Variants in ENOSF1 observed in about 807,000 individuals in gnomAD.
ENOSF1 encodes the protein mitochondrial enolase superfamily member 1.
In ENOSF1, 73 loss-of-function variants were observed where a neutral mutation model predicts 68.2. The ratio of observed to expected loss-of-function variants is 1.07; its 90% CI spans 0.89 to 1.30. The LOEUF (loss-of-function observed/expected upper bound fraction) is 1.30. Among genes scored for constraint, ENOSF1 ranks in the 50% most tolerant of loss-of-function variants. ENOSF1 has a pLI of 0.00. For synonymous variants in ENOSF1, 223 were observed against 210.4 expected (o/e 1.06, Z -0.52); for missense variants, 589 against 554.5 (o/e 1.06, Z -0.62).
chr18:690,424 G>T, intron 8 of ENOSF1, 125 bp downstream of exon 8: 1 of 1,072,886 alleles, frequency 9.3e-7, no homozygotes. Flanking sequence ...GTTGGCGTGA[G>T]AAGGAAAACC....
chr18:678,212 GCA>G, intron 12 of ENOSF1: 1 of 299,406 alleles, frequency 3.3e-6, no homozygotes, highest in Non-Finnish European at 6.3e-6. Flanking sequence ...TGAGCAGGTG[GCA>G]CAGATGACAA....
downstream of ENOSF1, among the ~76,000 whole-genome samples, chr18:667,436 T>A (rs200154702): frequency 1.8e-3 from 2 of 1,114 alleles, no homozygotes; most frequent in Admixed American, 0.011. Flanking sequence ...ATGGAGATGG[T>A]GATGGTGATG....
At position 678,705 on chromosome 18, in the gene ENOSF1, T is replaced by C; in HGVS notation, c.909A>G (p.Thr303=). Residue 303 remains threonine (T), a synonymous_variant, in exon 12 of 16, where the codon ACA becomes ACG. Coordinates refer to ENST00000647584, the MANE Select transcript of ENOSF1 (RefSeq NM_017512.7). Reference sequence around the variant, plus strand: ...TGGGGGCGTCACTCACCTGTTCTCCTGTGGCAATGCCAATTCCTAATGGGA... The same window carrying C: ...TGGGGGCGTCACTCACCTGTTCTCCCGTGGCAATGCCAATTCCTAATGGGA... ...ALVPLGIGIA[T]GEQCHNRVIF... is the part of the protein sequence containing the mutation. The C allele has an allele frequency of 6.2e-7, 1 of 1,614,110 alleles. No homozygotes were observed. Among genetic ancestry groups the C allele is most frequent in the South Asian group, 1.1e-5 (1 of 91,088 alleles).
At chr18:681,323 G>A (rs2076055104) in intron 11 of ENOSF1, among the ~76,000 whole-genome samples, 1 of 152,192 alleles carries the variant, frequency 6.6e-6, no homozygotes. Flanking sequence ...GGACCTGCAG[G>A]CTCTGCAGCT....
Position 673,309 on chromosome 18 carries a change from AAAG to A in ENOSF1, c.*993_*995del, listed in dbSNP as rs544425752. 44 of 246,436 alleles carry A rather than the reference AAAG, an allele frequency of 1.8e-4. No individual in the cohort carries two copies. In the South Asian group the frequency reaches 3.4e-3, roughly 19 times the overall value. The allele number at this position is 246,436 out of a possible 1,614,324, so 15.3% of individuals were successfully genotyped here. On this transcript the variant is annotated 3_prime_UTR_variant, in exon 16 of 16. Transcript: ENST00000647584. ...GTGCATTTCAATCCCACGTACTTAT[AAAG>A]AAGGTTGGTGAATTTCACAAGCTAT...
intron 1 of ENOSF1, among the ~76,000 whole-genome samples, chr18:708,150 C>T (rs965178311): frequency 1.3e-5 from 2 of 152,000 alleles, no homozygotes; most frequent in African/African-American, 2.4e-5. Flanking sequence ...TGTGAGCCAC[C>T]ACGCCCGGCC....
At chr18:704,440 G>GAAAAAAAAAAAAAAAAAAAA (rs11429267) in intron 2 of ENOSF1, among the ~76,000 whole-genome samples, 1 of 97,252 alleles carries the variant, frequency 1.0e-5, no homozygotes, top group South Asian at 3.9e-4. Context: ...AAAAAGAAAA[G>GAAAAAAAAAAAAAAAAAAAA]AAAAAAAAAA....
rs919313861 is a variant in ENOSF1, at chr18:693,296, G to A, written c.423+586C>T. On this transcript the variant is annotated intron_variant, in intron 5 of 15. Transcript: ENST00000647584. ...GCTACAATGGCCTGATCTTATTCTT[G>A]GTGTCAAAGTGACTGGATAGTATCT... is the stretch of plus-strand genomic sequence containing the variant. The A allele has an allele frequency of 2.5e-5, 31 of 1,255,566 alleles. No individual in the cohort carries two copies. In the Admixed American group the frequency reaches 8.0e-4, roughly 32 times the overall value. The allele number at this position is 1,255,566 out of a possible 1,614,324, so 77.8% of individuals were successfully genotyped here. A position where few individuals can be genotyped will look rare whatever the true frequency, so the allele number is the denominator to read the frequency against.
intron 1 of ENOSF1, among the ~76,000 whole-genome samples, chr18:710,542 G>A (rs977584795): frequency 1.3e-5 from 2 of 151,892 alleles, no homozygotes; most frequent in Non-Finnish European, 2.9e-5. Context: ...GGGTCTCACT[G>A]TGTCATCCAG....
intron 3 of ENOSF1, among the ~76,000 whole-genome samples, chr18:694,890 C>G (rs1003256265): frequency 2.0e-5 from 3 of 151,776 alleles, no homozygotes; most frequent in East Asian, 1.9e-4. Flanking sequence ...TTTTCTGAAC[C>G]ATTTGAATAA....
chr18:669,185 C>G (rs1355679129), downstream of ENOSF1: 1 of 1,609,648 alleles, frequency 6.2e-7, no homozygotes, highest in Non-Finnish European at 8.5e-7. Context: ...TTGAAAGAAC[C>G]CCGTCGTCTT....
chr18:686,251 G>T, intron 9 of ENOSF1: 1 of 474,678 alleles, frequency 2.1e-6, no homozygotes, highest in Non-Finnish European at 3.7e-6. Context: ...AGCTAGACAG[G>T]GAAGTCAGGT....
downstream of ENOSF1, among the ~76,000 whole-genome samples, chr18:666,921 A>ATGGTGATGGTGATGGAGATGGTGATGGT (rs2074832063): frequency 3.0e-5 from 1 of 33,482 alleles, no homozygotes; most frequent in Non-Finnish European, 5.9e-5. Context: ...ATGGTGATGG[A>ATGGTGATGGTGATGGAGATGGTGATGGT]GATGGTGATG....
In ENOSF1 at chr18:677,551, T is replaced by A. The variant is rs1360279350; in HGVS notation, c.1049-107A>T. 2.4e-6 allele frequency: 3 copies of A among 1,227,632 alleles called. No individual in the cohort carries two copies. In the Admixed American group the frequency reaches 7.1e-5, roughly 29 times the overall value. 76.0% of individuals were successfully genotyped at this position (1,227,632 alleles called of 1,614,324 possible). ...ATTGCCCACAGGTGATTAAATCATT[T>A]ATTAATATTTAGGAAGGAAATTCCA... On this transcript the variant is annotated intron_variant, in intron 13 of 15. Coordinates refer to ENST00000647584, the MANE Select transcript of ENOSF1 (RefSeq NM_017512.7).
intron 13 of ENOSF1, 40 bp downstream of exon 13, chr18:677,703 G>T: frequency 1.3e-6 from 2 of 1,591,236 alleles, no homozygotes; most frequent in Non-Finnish European, 8.5e-7. Flanking sequence ...GATTAGTGGG[G>T]AAATGAAGGT....
Position 688,583 on chromosome 18 carries a change from CCA to C in ENOSF1, c.642_643del (p.Asp214GlufsTer6). ...CCATCATCACACTCACCTGGTCCAGCCATCCTTCAGCGCCTGGGCACAGAGCT... is the reference window on the plus strand; with the variant it reads ...CCATCATCACACTCACCTGGTCCAGCTCCTTCAGCGCCTGGGCACAGAGCT... On this transcript the variant is annotated frameshift_variant, in exon 9 of 16. Transcript: ENST00000647584. LOFTEE classifies it high-confidence loss of function. The C allele has an allele frequency of 1.2e-6, 2 of 1,614,096 alleles. No homozygotes were observed. The highest frequency in any genetic ancestry group is 1.7e-6 in the Non-Finnish European group (2 of 1,180,000).
chr18:670,965 A>C lies in ENOSF1; in HGVS notation c.*3340T>G. 7.1e-7 allele frequency: 1 copy of C among 1,400,178 alleles called. No homozygotes were observed. The highest frequency in any genetic ancestry group is 9.7e-7 in the Non-Finnish European group (1 of 1,031,620). The allele number at this position is 1,400,178 out of a possible 1,614,324, so 86.7% of individuals were successfully genotyped here. A position where few individuals can be genotyped will look rare whatever the true frequency, so the allele number is the denominator to read the frequency against. On this transcript the variant is annotated 3_prime_UTR_variant, in exon 16 of 16. Coordinates refer to ENST00000647584, the MANE Select transcript of ENOSF1 (RefSeq NM_017512.7). The stretch of plus-strand genomic sequence containing the variant: ...AAATTGCAGAGTTTAGTCTCTGATT[A>C]GCTTTTAAATTTGATATGTGTAAGT...
chr18:703,561 C>A (rs1165646849), intron 2 of ENOSF1, among the ~76,000 whole-genome samples: 1 of 152,204 alleles, frequency 6.6e-6, no homozygotes, highest in Admixed American at 6.5e-5. Flanking sequence ...GTGGTTACTA[C>A]TCTGGGGAAA....
intron 2 of ENOSF1, among the ~76,000 whole-genome samples, chr18:706,153 G>A (rs2078909455): frequency 6.6e-6 from 1 of 152,060 alleles, no homozygotes. Flanking sequence ...GCTCGACAGT[G>A]GCCCCGGGTG....
Sources: gnomAD v4.1 joint callset for allele counts (sites outside exome capture counted in the v4.1 genomes callset) on GRCh38, gnomAD v4.1.1 for gene constraint, MANE v1.5 for transcripts, NCBI Gene and HGNC (gene_info 2026-07-23, HGNC 2026-07-21) for gene names.